The following FNDC3A variants were observed in gnomAD, a reference collection of about 807,000 sequenced individuals.
FNDC3A encodes the protein fibronectin type III domain containing 3A.
FNDC3A carries 32 observed loss-of-function variants against 148.9 expected under a neutral mutation model. The observed-to-expected ratio is 0.21, with a 90% CI of 0.16 to 0.29. FNDC3A has a LOEUF of 0.29. FNDC3A is among the 10% of genes least tolerant of loss of function. The probability of loss-of-function intolerance (pLI) is 1.00; values close to 1 mark genes in which losing one functional copy is unlikely to be tolerated. For missense variants in FNDC3A, 1,191 were observed against 1,452.8 expected, an observed-to-expected ratio of 0.82 and a Z score of 2.93; for synonymous variants, 472 against 473.6, an observed-to-expected ratio of 1.00 and a Z score of 0.04.
intron 8 of FNDC3A, chr13:49,146,272 G>A (rs967737635): frequency 3.1e-5 from 6 of 195,274 alleles, no homozygotes; most frequent in Non-Finnish European, 5.2e-5. Flanking sequence ...ATTCATGATT[G>A]TAAACTCATA....
intron 14 of FNDC3A, among the ~76,000 whole-genome samples, chr13:49,183,782 C>CTGGGCTCTG (rs1268256599): frequency 6.6e-6 from 1 of 152,166 alleles, no homozygotes; most frequent in African/African-American, 2.4e-5. Flanking sequence ...TTGGACTAAA[C>CTGGGCTCTG]TTTACTGAGT....
chr13:49,105,225 T>G (rs1880099569), intron 3 of FNDC3A, among the ~76,000 whole-genome samples: 1 of 152,188 alleles, frequency 6.6e-6, no homozygotes, highest in African/African-American at 2.4e-5. Flanking sequence ...GTGGAACTTC[T>G]TATACATGCC....
intron 21 of FNDC3A, 52 bp from the exon 22 acceptor site, chr13:49,197,930 G>A (rs1886233912): frequency 6.3e-7 from 1 of 1,588,578 alleles, no homozygotes; most frequent in Non-Finnish European, 8.5e-7. Context: ...ATATTTCATT[G>A]GCATTTTCAT....
chr13:48,978,497 T>G (rs1951641385), intron 1 of FNDC3A, among the ~76,000 whole-genome samples: 1 of 152,166 alleles, frequency 6.6e-6, no homozygotes, highest in Non-Finnish European at 1.5e-5. Flanking sequence ...TACAATTTGA[T>G]GAAGTAACCA....
chr13:49,074,415 A>C (rs1451908626), intron 2 of FNDC3A, among the ~76,000 whole-genome samples: 3 of 152,168 alleles, frequency 2.0e-5, no homozygotes. Flanking sequence ...ACAAGCACCA[A>C]AATTCTGTGT....
chr13:49,006,798 A>G (rs770833525), intron 2 of FNDC3A, among the ~76,000 whole-genome samples: 6 of 151,992 alleles, frequency 3.9e-5, no homozygotes, highest in Non-Finnish European at 7.4e-5. Context: ...AGTAATCCTA[A>G]AAAGGGATAG....
intron 11 of FNDC3A, 36 bp from the exon 12 acceptor site, chr13:49,174,399 T>C: frequency 6.4e-7 from 1 of 1,558,566 alleles, no homozygotes; most frequent in Non-Finnish European, 8.8e-7. Context: ...TTTACAGTAA[T>C]GTACATGGTA....
intron 2 of FNDC3A, among the ~76,000 whole-genome samples, chr13:49,059,972 T>C (rs944697521): frequency 6.6e-6 from 1 of 152,220 alleles, no homozygotes; most frequent in Non-Finnish European, 1.5e-5. Context: ...AGATACATTA[T>C]ACTCACTAGG....
chr13:49,076,985 T>C (rs1481776394), intron 3 of FNDC3A, among the ~76,000 whole-genome samples: 2 of 152,152 alleles, frequency 1.3e-5, no homozygotes, highest in Non-Finnish European at 2.9e-5. Context: ...TTGCTTTAGT[T>C]TAAAAAGGGA....
rs1370867712 is a variant in FNDC3A at position 49,033,138 on chromosome 13, C to T, written c.99+26849C>T. On this transcript the variant is annotated intron_variant, in intron 2 of 25. Transcript: ENST00000492622. The stretch of plus-strand genomic sequence containing the variant: ...TATATATAAACCGCAAATATACTGA[C>T]ATATTCCAAGATGAGAGCAAAAACA... 2.6e-5 allele frequency among the ~76,000 whole-genome samples: 4 copies of T among 152,006 alleles called. No homozygotes were observed. In the East Asian group the frequency reaches 7.7e-4, roughly 29 times the overall value.
intron 2 of FNDC3A, among the ~76,000 whole-genome samples, chr13:49,042,306 G>T (rs1180543269): frequency 6.6e-6 from 1 of 152,018 alleles, no homozygotes; most frequent in African/African-American, 2.4e-5. Flanking sequence ...TTTTCTCCTG[G>T]TTATCTTTGA....
chr13:49,136,419 G>A lies in FNDC3A; in HGVS notation c.578G>A (p.Arg193His), dbSNP rs369583924. 1.6e-4 allele frequency: 254 copies of A among 1,613,850 alleles called. No homozygotes were observed. The highest frequency in any genetic ancestry group is 2.0e-4 in the Non-Finnish European group (239 of 1,179,974). Reference protein sequence around the residue: ...YERLQKKLKDRQGTQKDKMSS... With the variant: ...YERLQKKLKDHQGTQKDKMSS... ...CGTTTGCAGAAAAAATTGAAGGATC[G>A]CCAAGGAACACAGAAAGATAAAATG... The change falls in exon 6 of 26, where the codon CGC becomes CAC. Residue 193 changes from arginine (R) to histidine (H), a missense_variant. By Grantham distance (29) the Arg-to-His change is conservative (BLOSUM62 0). Coordinates refer to ENST00000492622, the MANE Select transcript of FNDC3A (RefSeq NM_001079673.2).
chr13:48,985,643 A>G (rs944408643), intron 1 of FNDC3A, among the ~76,000 whole-genome samples: 18 of 152,186 alleles, frequency 1.2e-4, no homozygotes, highest in African/African-American at 4.1e-4. Flanking sequence ...ACAAAGACAC[A>G]ATTCATACAC....
intron 3 of FNDC3A, among the ~76,000 whole-genome samples, chr13:49,087,799 G>T (rs1354092902): frequency 6.6e-6 from 1 of 152,016 alleles, no homozygotes; most frequent in Non-Finnish European, 1.5e-5. Context: ...AAATAAAATG[G>T]TAACTTGTTT....
intron 4 of FNDC3A, among the ~76,000 whole-genome samples, chr13:49,124,314 G>A (rs569675120): frequency 1.3e-5 from 2 of 152,098 alleles, no homozygotes; most frequent in East Asian, 1.9e-4. Context: ...ACACAGGGAG[G>A]GGAACATCAC....
At chr13:49,006,813 A>C (rs771007715) in intron 2 of FNDC3A, among the ~76,000 whole-genome samples, 256 of 152,176 alleles carry the variant, frequency 1.7e-3, no homozygotes, top group Non-Finnish European at 3.4e-3. Context: ...GGATAGGAAT[A>C]ATAAGCTTTC....
intron 7 of FNDC3A, among the ~76,000 whole-genome samples, chr13:49,144,032 CTAATAATAA>C (rs1166963044): frequency 1.4e-3 from 210 of 149,928 alleles, no homozygotes; most frequent in Non-Finnish European, 1.5e-3. Flanking sequence ...ACTACTACTA[CTAATAATAA>C]TAATAATAAT....
Position 49,196,857 on chromosome 13 carries a change from A to T in FNDC3A, c.2227-20A>T. Reference sequence around the variant, plus strand: ...TTTAAGGGTGAAAAATAAAAACACTAGTTACATTTGTTTTTCTAGTTTGGA... The same window carrying T: ...TTTAAGGGTGAAAAATAAAAACACTTGTTACATTTGTTTTTCTAGTTTGGA... On this transcript the variant is annotated intron_variant, in intron 19 of 25. Coordinates refer to ENST00000492622, the MANE Select transcript of FNDC3A (RefSeq NM_001079673.2). The T allele has an allele frequency of 7.6e-7, 1 of 1,322,522 alleles. No homozygotes were observed. Among genetic ancestry groups the T allele is most frequent in the African/African-American group, 1.5e-5 (1 of 68,714 alleles). The allele number at this position is 1,322,522 out of a possible 1,614,324, so 81.9% of individuals were successfully genotyped here.
At position 49,198,155 on chromosome 13, in the gene FNDC3A, T is replaced by C; in HGVS notation, c.2664T>C (p.His888=). The change falls in exon 22 of 26, where the codon CAT becomes CAC. Residue 888 remains histidine (H), a synonymous_variant. Transcript: ENST00000492622. ...LAISWEKPCD[H]GSEILAYSID... is the part of the protein sequence containing the mutation. ...TAAGCTGGGAAAAGCCTTGTGATCA[T>C]GGTTCGGAAATCCTTGCCTACAGCA... 6.2e-7 allele frequency: 1 copy of C among 1,614,210 alleles called. No homozygotes were observed. Among genetic ancestry groups the C allele is most frequent in the South Asian group, 1.1e-5 (1 of 91,086 alleles).
Sources: allele counts gnomAD v4.1 joint callset (sites outside exome capture counted in the v4.1 genomes callset), GRCh38; gene constraint gnomAD v4.1.1; transcripts MANE v1.5; gene names NCBI Gene and HGNC (gene_info 2026-07-23, HGNC 2026-07-21).